CCDC30: variants seen among roughly 807,000 people sequenced by gnomAD.
CCDC30 encodes coiled-coil domain containing 30.
A neutral mutation model predicts 100.2 loss-of-function variants in CCDC30; 70 were observed. That is an observed-to-expected ratio of 0.70 (90% CI 0.58 to 0.85). The LOEUF (loss-of-function observed/expected upper bound fraction) is 0.85. Ranked by LOEUF, CCDC30 falls within the 40% of genes least tolerant of loss-of-function variation. The pLI is 0.00. For missense variants in CCDC30, 652 were observed against 771.2 expected (o/e 0.85, Z 1.83); for synonymous variants, 233 against 269.5 (o/e 0.86, Z 1.33).
At chr1:42,473,281 A>G in intron 1 of CCDC30, 1 of 1,231,422 alleles carries the variant, frequency 8.1e-7, no homozygotes, top group Non-Finnish European at 1.0e-6. Context: ...CTTATAGTGA[A>G]GCACATGGGT....
chr1:42,456,872 T>G, the CCDC30 span: 2 of 1,613,336 alleles, frequency 1.2e-6, no homozygotes, highest in Non-Finnish European at 1.7e-6. Flanking sequence ...GACTTGGCTG[T>G]CCGCTCTGCG....
intron 6 of CCDC30, among the ~76,000 whole-genome samples, chr1:42,500,013 C>T (rs1357484403): frequency 3.3e-5 from 5 of 152,168 alleles, no homozygotes; most frequent in African/African-American, 1.2e-4. Context: ...CCTTCCCTGC[C>T]AGCCAGATAG....
At chr1:42,482,714 A>G in exon 3 of CCDC30, 1 of 1,234,192 alleles carries the variant, frequency 8.1e-7, no homozygotes, top group Non-Finnish European at 1.0e-6. Flanking sequence ...CTGCCTAGGA[A>G]GAGGAATGGA....
chr1:42,535,835 C>G (rs1359937094), intron 6 of CCDC30, among the ~76,000 whole-genome samples: 3 of 145,580 alleles, frequency 2.1e-5, no homozygotes, highest in Non-Finnish European at 4.5e-5. Flanking sequence ...ATTTTGATCT[C>G]AATTTTATCT....
chr1:42,457,166 G>C, the CCDC30 span: 3 of 1,600,656 alleles, frequency 1.9e-6, no homozygotes, highest in Non-Finnish European at 1.7e-6. Flanking sequence ...ACGGATCTCA[G>C]CTGGGGAACC....
At chr1:42,543,531 G>T (rs1467935088) in intron 6 of CCDC30, among the ~76,000 whole-genome samples, 1 of 152,118 alleles carries the variant, frequency 6.6e-6, no homozygotes, top group Non-Finnish European at 1.5e-5. Flanking sequence ...ATGTTGGCCA[G>T]GCTGGTCTCA....
At chr1:42,480,801 G>A (rs1643944166) in intron 2 of CCDC30, among the ~76,000 whole-genome samples, 1 of 152,076 alleles carries the variant, frequency 6.6e-6, no homozygotes, top group Admixed American at 6.6e-5. Flanking sequence ...CACCTTAGAA[G>A]TATTTTGTTT....
intron 6 of CCDC30, among the ~76,000 whole-genome samples, chr1:42,504,631 A>G (rs953872437): frequency 7.2e-5 from 11 of 152,242 alleles, no homozygotes; most frequent in African/African-American, 2.4e-4. Flanking sequence ...ACAAATGTTA[A>G]TAATGTTAGT....
rs141824481 is a variant in CCDC30, at chr1:42,568,709, T to A, written c.636+2234T>A. 4.0e-3 allele frequency among the ~76,000 whole-genome samples: 601 copies of A among 151,592 alleles called. 3 individuals carry two copies. Among genetic ancestry groups the A allele is most frequent in the African/African-American group, 0.014 (573 of 41,290 alleles). ...TGTGGGGCTGAGGTGAGCAGATCACTTAAAGTGCTCACGAGTTTGAGACCA... is the reference window on the plus strand; with the variant it reads ...TGTGGGGCTGAGGTGAGCAGATCACATAAAGTGCTCACGAGTTTGAGACCA... On this transcript the variant is annotated intron_variant, in intron 7 of 16. Transcript: ENST00000668663.
chr1:42,610,534 C>G (rs1470127755), intron 10 of CCDC30, among the ~76,000 whole-genome samples: 1 of 152,174 alleles, frequency 6.6e-6, no homozygotes, highest in Non-Finnish European at 1.5e-5. Flanking sequence ...AGCCATTCTC[C>G]TACTTCAGCC....
intron 7 of CCDC30, among the ~76,000 whole-genome samples, chr1:42,567,369 T>C (rs1645628469): frequency 6.6e-6 from 1 of 152,218 alleles, no homozygotes; most frequent in Non-Finnish European, 1.5e-5. Context: ...TACCTGGCCC[T>C]TTATGAGAAA....
At position 42,626,423 on chromosome 1, in the gene CCDC30, G is replaced by C. The variant is rs181231043; in HGVS notation, c.1278-10814G>C. 2.6e-5 allele frequency among the ~76,000 whole-genome samples: 4 copies of C among 152,202 alleles called. No homozygotes were observed. In the East Asian group the frequency reaches 7.7e-4, roughly 29 times the overall value. ...CTTATTTGTTTTCTGGTTGTTTGTA[G>C]TCTTCTCTTCCTTCTTCCTTTCCTT... is the stretch of plus-strand genomic sequence containing the variant. On this transcript the variant is annotated intron_variant, in intron 11 of 16. Coordinates refer to ENST00000668663, the Ensembl canonical transcript of CCDC30.
chr1:42,590,452 G>A (rs1405631320), intron 10 of CCDC30: 1 of 152,154 alleles, frequency 6.6e-6, no homozygotes, highest in Non-Finnish European at 1.5e-5. Context: ...CTCAGAAGAA[G>A]GCAGGAGGAC....
At chr1:42,537,778 TGACC>T in intron 6 of CCDC30, 1 of 159,184 alleles carries the variant, frequency 6.3e-6, no homozygotes, top group Non-Finnish European at 1.4e-5. Flanking sequence ...GAGACCAGCC[TGACC>T]AACATGGAGA....
chr1:42,504,688 G>T (rs1403447691), intron 6 of CCDC30, among the ~76,000 whole-genome samples: 1 of 152,190 alleles, frequency 6.6e-6, no homozygotes, highest in Non-Finnish European at 1.5e-5. Context: ...AGTAACTAGT[G>T]TTAACCTTGG....
At chr1:42,626,805 C>T (rs1646941669) in intron 11 of CCDC30, among the ~76,000 whole-genome samples, 1 of 152,170 alleles carries the variant, frequency 6.6e-6, no homozygotes, top group African/African-American at 2.4e-5. Context: ...AAGTCCCTTT[C>T]ACTCCCGTCA....
chr1:42,527,634 A>G (rs60412816), intron 6 of CCDC30, among the ~76,000 whole-genome samples: 19,787 of 152,200 alleles, frequency 0.13, 1,477 homozygotes, highest in East Asian at 0.19. Context: ...ATGTAACACT[A>G]CAGTTTTTAA....
At chr1:42,615,575 T>A (rs1646711294) in intron 11 of CCDC30, among the ~76,000 whole-genome samples, 1 of 151,922 alleles carries the variant, frequency 6.6e-6, no homozygotes, top group Admixed American at 6.6e-5. Context: ...CCTGCTGGGA[T>A]TAAAGGTGTG....
At chr1:42,595,406 G>A (rs373280754) in intron 10 of CCDC30, 3 of 152,410 alleles carry the variant, frequency 2.0e-5, no homozygotes, top group Admixed American at 6.5e-5. Context: ...AATTAGCCAG[G>A]TGTGGTGGCA....
Sources: gnomAD v4.1 joint callset for allele counts (sites outside exome capture counted in the v4.1 genomes callset) on GRCh38, gnomAD v4.1.1 for gene constraint, MANE v1.5 for transcripts, NCBI Gene and HGNC (gene_info 2026-07-23, HGNC 2026-07-21) for gene names.